MGAT4C: variants seen among roughly 807,000 people sequenced by gnomAD.
The protein encoded by MGAT4C is alpha-1,3-mannosyl-glycoprotein 4-beta-N-acetylglucosaminyltransferase C.
MGAT4C carries 19 observed loss-of-function variants against 40.1 expected under a neutral mutation model. That is an observed-to-expected ratio of 0.47 (90% CI 0.33 to 0.70). The LOEUF (loss-of-function observed/expected upper bound fraction) is 0.70, where lower values mean the gene tolerates loss of function less well. MGAT4C is among the 30% of genes least tolerant of loss of function. The pLI is 0.02. For missense variants in MGAT4C, 491 were observed against 563.2 expected, an observed-to-expected ratio of 0.87 and a Z score of 1.30; for synonymous variants, 181 against 187.1, an observed-to-expected ratio of 0.97 and a Z score of 0.27.
At chr12:86,632,166 C>T (rs1963067779) in intron 2 of MGAT4C, among the ~76,000 whole-genome samples, 1 of 152,028 alleles carries the variant, frequency 6.6e-6, no homozygotes, top group Admixed American at 6.6e-5. Flanking sequence ...TGCTCATCAT[C>T]ACTGGTCATC....
chr12:86,768,885 T>C (rs954808056), intron 1 of MGAT4C, among the ~76,000 whole-genome samples: 1 of 152,048 alleles, frequency 6.6e-6, no homozygotes, highest in Non-Finnish European at 1.5e-5. Flanking sequence ...GATTAAAGAC[T>C]TAAACATTAG....
intron 2 of MGAT4C, among the ~76,000 whole-genome samples, chr12:86,485,520 C>T (rs1393548573): frequency 6.6e-6 from 1 of 151,934 alleles, no homozygotes; most frequent in Non-Finnish European, 1.5e-5. Context: ...TCAACTCACT[C>T]AGAAATTAAT....
At chr12:86,001,387 A>C (rs1463290098) in intron 2 of MGAT4C, 1 of 152,532 alleles carries the variant, frequency 6.6e-6, no homozygotes, top group Non-Finnish European at 1.5e-5. Flanking sequence ...GCCATCTTTA[A>C]CCAGTGTTAT....
chr12:86,432,633 G>C (rs1005902314), intron 3 of MGAT4C, among the ~76,000 whole-genome samples: 1 of 151,804 alleles, frequency 6.6e-6, no homozygotes, highest in Non-Finnish European at 1.5e-5. Flanking sequence ...AAGAACACAG[G>C]GGAACCCATT....
rs1463714852 is a variant in MGAT4C at position 85,977,262 on chromosome 12, C to T, written c.*2027G>A. The stretch of plus-strand genomic sequence containing the variant: ...GGAGTCTGCCTAGCTCTTGATATTA[C>T]ATGTCTTTGGCATACAATTGTGTAC... On this transcript the variant is annotated 3_prime_UTR_variant, in exon 5 of 5. Transcript: ENST00000611864. 1 of 151,392 alleles carries T rather than the reference C, an allele frequency of 6.6e-6. No homozygotes were observed. Among genetic ancestry groups the T allele is most frequent in the African/African-American group, 2.4e-5 (1 of 41,360 alleles). The allele number at this position is 151,392 out of a possible 1,614,324, so 9.4% of individuals were successfully genotyped here. A position where few individuals can be genotyped will look rare whatever the true frequency, so the allele number is the denominator to read the frequency against.
intron 2 of MGAT4C, among the ~76,000 whole-genome samples, chr12:86,494,345 T>C (rs1475400369): frequency 1.3e-5 from 2 of 151,982 alleles, no homozygotes; most frequent in African/African-American, 4.8e-5. Context: ...GATAAAAGTA[T>C]TTGATAAAAT....
At chr12:86,771,836 A>G (rs1381269701) in intron 1 of MGAT4C, among the ~76,000 whole-genome samples, 2 of 152,114 alleles carry the variant, frequency 1.3e-5, no homozygotes, top group Non-Finnish European at 2.9e-5. Context: ...TTATACAGTA[A>G]TGCAAAGTTT....
chr12:86,356,776 A>AC (rs1955323023), intron 3 of MGAT4C, among the ~76,000 whole-genome samples: 1 of 151,834 alleles, frequency 6.6e-6, no homozygotes, highest in South Asian at 2.1e-4. Flanking sequence ...GCTGGGGGAG[A>AC]GGGGTTGGCC....
chr12:86,732,473 C>T lies in MGAT4C; in HGVS notation c.-261-5232G>A, dbSNP rs1158295730. 3.3e-5 allele frequency among the ~76,000 whole-genome samples: 5 copies of T among 151,938 alleles called. No individual in the cohort carries two copies. In the East Asian group the frequency reaches 9.7e-4, roughly 29 times the overall value. On this transcript the variant is annotated intron_variant, in intron 1 of 7. Coordinates refer to the MGAT4C transcript ENST00000548651. ...CAGTGGGAGCCCTGAGCTTTTTTTC[C>T]TGCAAATAGATAGTCCCATCTGGGG...
chr12:86,459,931 C>T (rs1957572344), intron 2 of MGAT4C, among the ~76,000 whole-genome samples: 1 of 151,848 alleles, frequency 6.6e-6, no homozygotes, highest in South Asian at 2.1e-4. Flanking sequence ...GAATAACAAC[C>T]TATTATTCAA....
intron 2 of MGAT4C, among the ~76,000 whole-genome samples, chr12:86,716,387 T>TA (rs1175295637): frequency 6.6e-6 from 1 of 152,134 alleles, no homozygotes; most frequent in Admixed American, 6.6e-5. Flanking sequence ...TATCTTTTTT[T>TA]ATTCCTTTTG....
chr12:86,046,016 A>G (rs1167128934), intron 2 of MGAT4C, among the ~76,000 whole-genome samples: 1 of 152,032 alleles, frequency 6.6e-6, no homozygotes. Flanking sequence ...AAACTAATGA[A>G]TTTTAGGTGA....
chr12:86,227,053 T>C (rs931190151), intron 1 of MGAT4C, among the ~76,000 whole-genome samples: 2 of 151,926 alleles, frequency 1.3e-5, no homozygotes, highest in African/African-American at 2.4e-5. Flanking sequence ...AGCCATTACT[T>C]GCATCCAGGC....
At chr12:86,655,171 GTTGTCCCT>G (rs955719962) in intron 2 of MGAT4C, among the ~76,000 whole-genome samples, 110 of 152,044 alleles carry the variant, frequency 7.2e-4, no homozygotes, top group African/African-American at 2.4e-3. Flanking sequence ...TTTCTCTAAT[GTTGTCCCT>G]CCCCCTGTCC....
chr12:86,075,915 T>C (rs1039420255), intron 1 of MGAT4C, among the ~76,000 whole-genome samples: 1 of 152,076 alleles, frequency 6.6e-6, no homozygotes, highest in Admixed American at 6.5e-5. Flanking sequence ...TCTGGAGACA[T>C]TTTCCCCATG....
intron 4 of MGAT4C, among the ~76,000 whole-genome samples, chr12:86,266,089 ATAACT>A (rs1222734983): frequency 6.6e-6 from 1 of 152,178 alleles, no homozygotes; most frequent in Non-Finnish European, 1.5e-5. Flanking sequence ...ATAAGCAAAG[ATAACT>A]TGACTTGCTC....
chr12:86,076,025 T>C (rs10779234), intron 1 of MGAT4C, among the ~76,000 whole-genome samples: 29,393 of 152,078 alleles, frequency 0.19, 3,714 homozygotes, highest in African/African-American at 0.36. Flanking sequence ...TACCATATAG[T>C]CAGGCCACAA....
At chr12:86,242,923 C>T (rs1004037159) in intron 1 of MGAT4C, among the ~76,000 whole-genome samples, 1 of 152,172 alleles carries the variant, frequency 6.6e-6, no homozygotes, top group Non-Finnish European at 1.5e-5. Context: ...AGGAACAAGA[C>T]ACCTTTTAGA....
At chr12:86,767,236 C>A (rs1342647761) in intron 1 of MGAT4C, among the ~76,000 whole-genome samples, 3 of 152,142 alleles carry the variant, frequency 2.0e-5, no homozygotes, top group Non-Finnish European at 4.4e-5. Flanking sequence ...ACTACAAACA[C>A]CTCTACACAA....
Sources: gnomAD v4.1 joint callset for allele counts (sites outside exome capture counted in the v4.1 genomes callset) on GRCh38, gnomAD v4.1.1 for gene constraint, MANE v1.5 for transcripts, NCBI Gene and HGNC (gene_info 2026-07-23, HGNC 2026-07-21) for gene names.